The following RBFOX1 variants were observed in gnomAD, a reference collection of about 807,000 sequenced individuals.
RBFOX1 encodes RNA binding fox-1 homolog 1.
Under a neutral mutation model 57.7 loss-of-function variants are expected in RBFOX1, and 8 were observed. That is an observed-to-expected ratio of 0.14 (90% CI 0.08 to 0.25). The LOEUF (loss-of-function observed/expected upper bound fraction) is 0.25. Among genes scored for constraint, RBFOX1 ranks in the 10% least tolerant of loss-of-function variants. The pLI is 1.00. For synonymous variants in RBFOX1, 326 were observed against 222.4 expected (o/e 1.47, Z -4.15); for missense variants, 611 against 548.5 (o/e 1.11, Z -1.14).
At chr16:6,665,876 G>C (rs1298627409) in intron 3 of RBFOX1, among the ~76,000 whole-genome samples, 1 of 151,946 alleles carries the variant, frequency 6.6e-6, no homozygotes, top group African/African-American at 2.4e-5. Flanking sequence ...GAGGTGATAT[G>C]GTTTGACCAC....
At chr16:5,659,398 G>T (rs909657849) in intron 3 of RBFOX1, among the ~76,000 whole-genome samples, 2 of 151,246 alleles carry the variant, frequency 1.3e-5, no homozygotes, top group Non-Finnish European at 2.9e-5. Flanking sequence ...CTGCCTCCCG[G>T]GTTCACGTCA....
chr16:6,448,156 C>CTTTTTTTTTTTTTTTTTTTTTTTTTTA (rs397969435), intron 2 of RBFOX1, among the ~76,000 whole-genome samples: 1 of 78,460 alleles, frequency 1.3e-5, no homozygotes, highest in East Asian at 4.6e-4. Flanking sequence ...TCTTTTCTTT[C>CTTTTTTTTTTTTTTTTTTTTTTTTTTA]TTTTTTTTTT....
intron 1 of RBFOX1, among the ~76,000 whole-genome samples, chr16:5,466,114 G>A (rs2068945064): frequency 6.6e-6 from 1 of 152,250 alleles, no homozygotes; most frequent in Non-Finnish European, 1.5e-5. Flanking sequence ...CACTTTAGGT[G>A]GGAAATCGTC....
chr16:5,761,304 A>C (rs1377200850), intron 3 of RBFOX1, among the ~76,000 whole-genome samples: 1 of 152,202 alleles, frequency 6.6e-6, no homozygotes, highest in Non-Finnish European at 1.5e-5. Flanking sequence ...CCAACTTTTT[A>C]AAATGGTTTT....
chr16:5,997,722 C>T (rs947931375), intron 4 of RBFOX1, among the ~76,000 whole-genome samples: 1 of 152,178 alleles, frequency 6.6e-6, no homozygotes, highest in Non-Finnish European at 1.5e-5. Flanking sequence ...CGTCCAAGAG[C>T]AAAATAAGCC....
At chr16:6,748,622 G>A (rs2074283596) in intron 3 of RBFOX1, among the ~76,000 whole-genome samples, 1 of 152,132 alleles carries the variant, frequency 6.6e-6, no homozygotes, top group Non-Finnish European at 1.5e-5. Flanking sequence ...TTACACCACT[G>A]CACTCCAGCC....
At chr16:6,959,083 A>C (rs550956771) in intron 3 of RBFOX1, among the ~76,000 whole-genome samples, 1 of 152,306 alleles carries the variant, frequency 6.6e-6, no homozygotes, top group Admixed American at 6.5e-5. Flanking sequence ...AAGTGCATAA[A>C]GATAGGCATT....
intron 2 of RBFOX1, among the ~76,000 whole-genome samples, chr16:6,601,115 C>G (rs1320973290): frequency 6.6e-6 from 1 of 152,206 alleles, no homozygotes; most frequent in African/African-American, 2.4e-5. Flanking sequence ...TAAGTAACCC[C>G]TTTAGCCTAG....
At chr16:7,307,021 T>TGATAAGTG (rs1167223546) in intron 4 of RBFOX1, among the ~76,000 whole-genome samples, 3 of 152,204 alleles carry the variant, frequency 2.0e-5, no homozygotes, top group African/African-American at 7.2e-5. Flanking sequence ...TCAGGCAACA[T>TGATAAGTG]TTATGATAAG....
chr16:7,201,594 C>G (rs779092298), intron 4 of RBFOX1, among the ~76,000 whole-genome samples: 5 of 152,004 alleles, frequency 3.3e-5, no homozygotes, highest in Non-Finnish European at 7.4e-5. Context: ...TCCCAAGTGG[C>G]TGGGATTACA....
chr16:7,178,720 C>A (rs1567587337), intron 4 of RBFOX1, among the ~76,000 whole-genome samples: 1 of 152,164 alleles, frequency 6.6e-6, no homozygotes, highest in African/African-American at 2.4e-5. Flanking sequence ...TTGTTAATCA[C>A]ATGCCGGACC....
intron 1 of RBFOX1, among the ~76,000 whole-genome samples, chr16:5,380,633 A>G (rs1420132651): frequency 5.3e-5 from 8 of 152,218 alleles, no homozygotes; most frequent in African/African-American, 1.9e-4. Flanking sequence ...TTTTTTAGGC[A>G]TTATTACATT....
intron 3 of RBFOX1, among the ~76,000 whole-genome samples, chr16:6,830,022 T>A (rs767918695): frequency 4.6e-5 from 7 of 152,132 alleles, no homozygotes; most frequent in Admixed American, 2.0e-4. Context: ...GTTCAAGTGA[T>A]TCTCATGCCT....
intron 1 of RBFOX1, among the ~76,000 whole-genome samples, chr16:6,036,928 G>A (rs563834035): frequency 6.6e-6 from 1 of 152,214 alleles, no homozygotes; most frequent in South Asian, 2.1e-4. Flanking sequence ...CATGACCCTA[G>A]TAGGCAAGGA....
intron 3 of RBFOX1, among the ~76,000 whole-genome samples, chr16:6,887,082 C>T (rs144023603): frequency 5.3e-5 from 8 of 152,282 alleles, no homozygotes; most frequent in African/African-American, 1.7e-4. Flanking sequence ...ATTTTCCCTG[C>T]AGCTTCAAAA....
chr16:5,385,246 C>T (rs926986160), intron 1 of RBFOX1, among the ~76,000 whole-genome samples: 9 of 152,180 alleles, frequency 5.9e-5, no homozygotes, highest in African/African-American at 9.6e-5. Flanking sequence ...AAGCTAGAAG[C>T]GACTCAATCC....
intron 4 of RBFOX1, among the ~76,000 whole-genome samples, chr16:7,133,173 A>AT (rs372362796): frequency 5.9e-5 from 9 of 152,318 alleles, no homozygotes; most frequent in African/African-American, 2.2e-4. Context: ...TTAGTATCAG[A>AT]TTCTCAATGT....
intron 4 of RBFOX1, among the ~76,000 whole-genome samples, chr16:7,425,226 T>A (rs1202553118): frequency 6.6e-6 from 1 of 152,230 alleles, no homozygotes; most frequent in East Asian, 1.9e-4. Flanking sequence ...GTTTAATGCT[T>A]CATTTACAGC....
At chr16:7,416,602 G>A (rs2098480264) in intron 4 of RBFOX1, among the ~76,000 whole-genome samples, 1 of 152,130 alleles carries the variant, frequency 6.6e-6, no homozygotes, top group Admixed American at 6.5e-5. Flanking sequence ...TGTCTTCATG[G>A]ATAGTGCATA....
Sources: gnomAD v4.1 joint callset for allele counts (sites outside exome capture counted in the v4.1 genomes callset) on GRCh38, gnomAD v4.1.1 for gene constraint, MANE v1.5 for transcripts, NCBI Gene and HGNC (gene_info 2026-07-23, HGNC 2026-07-21) for gene names.